Variants in PDK1 observed in about 807,000 individuals in gnomAD.
PDK1 encodes [Pyruvate dehydrogenase (acetyl-transferring)] kinase isozyme 1, mitochondrial.
PDK1 carries 39 observed loss-of-function variants against 54.2 expected under a neutral mutation model. The ratio of observed to expected loss-of-function variants is 0.72; its 90% CI spans 0.56 to 0.94. PDK1 has a LOEUF of 0.94. PDK1 is among the 40% of genes least tolerant of loss of function. The probability of loss-of-function intolerance (pLI) is 0.00; values close to 1 mark genes in which losing one functional copy is unlikely to be tolerated. For synonymous variants in PDK1, 221 were observed against 207.1 expected (o/e 1.07, Z -0.58); for missense variants, 552 against 566.0 (o/e 0.98, Z 0.25).
the PDK1 span, among the ~76,000 whole-genome samples, chr2:172,704,394 T>C: frequency 6.6e-6 from 1 of 152,100 alleles, no homozygotes; most frequent in African/African-American, 2.4e-5. Flanking sequence ...AATGACTGAG[T>C]TGGGGTGAAA....
chr2:172,696,213 T>C, the PDK1 span, among the ~76,000 whole-genome samples: 1 of 150,018 alleles, frequency 6.7e-6, no homozygotes, highest in Admixed American at 6.6e-5. Flanking sequence ...TAGGAGAGCA[T>C]TCTTCCCCAG....
the PDK1 span, among the ~76,000 whole-genome samples, chr2:172,683,360 AAC>A: frequency 2.0e-5 from 3 of 148,696 alleles, no homozygotes; most frequent in Non-Finnish European, 1.5e-5. Context: ...AAAAAAAAAA[AAC>A]AACTTATAAA....
chr2:172,688,158 G>T, the PDK1 span, among the ~76,000 whole-genome samples: 124 of 152,298 alleles, frequency 8.1e-4, no homozygotes, highest in African/African-American at 2.8e-3. Context: ...TGTAGGACAG[G>T]ATAGCACCTA....
the PDK1 span, among the ~76,000 whole-genome samples, chr2:172,719,303 G>C: frequency 4.6e-5 from 7 of 152,088 alleles, no homozygotes; most frequent in Non-Finnish European, 1.0e-4. Context: ...GTTGAAAATA[G>C]GTTTTTATTT....
At chr2:172,663,186 A>C in the PDK1 span, among the ~76,000 whole-genome samples, 1 of 152,230 alleles carries the variant, frequency 6.6e-6, no homozygotes, top group South Asian at 2.1e-4. Context: ...CTGGACTTGT[A>C]GATGACCAGT....
the PDK1 span, among the ~76,000 whole-genome samples, chr2:172,619,615 A>G: frequency 1.5e-4 from 23 of 152,188 alleles, no homozygotes; most frequent in Non-Finnish European, 2.5e-4. Context: ...GGCAAAGAGT[A>G]AAAAATTCAG....
intron 9 of PDK1, 85 bp downstream of exon 9, chr2:172,586,473 A>T (rs962286229): frequency 6.6e-6 from 5 of 759,034 alleles, no homozygotes; most frequent in Middle Eastern, 2.3e-4. Flanking sequence ...TTAAGCCGTC[A>T]TGTAGGGTAC....
At chr2:172,703,774 T>C in the PDK1 span, among the ~76,000 whole-genome samples, 10 of 136,458 alleles carry the variant, frequency 7.3e-5, no homozygotes, top group African/African-American at 2.5e-4. Context: ...TTCTTTTTTT[T>C]TTTTTTTTTT....
intron 8 of PDK1, among the ~76,000 whole-genome samples, chr2:172,577,347 CT>C (rs1366286097): frequency 2.0e-5 from 3 of 152,000 alleles, no homozygotes; most frequent in African/African-American, 7.2e-5. Flanking sequence ...TAAAATGTGT[CT>C]CTTTATAGCA....
the PDK1 span, among the ~76,000 whole-genome samples, chr2:172,701,408 CT>C: frequency 3.9e-5 from 6 of 152,260 alleles, no homozygotes; most frequent in African/African-American, 1.4e-4. Flanking sequence ...CCTGAGTCGC[CT>C]GAGTATTTGG....
intron 6 of PDK1, among the ~76,000 whole-genome samples, chr2:172,567,826 T>C (rs1158362534): frequency 6.6e-6 from 1 of 152,234 alleles, no homozygotes; most frequent in African/African-American, 2.4e-5. Context: ...TTCTAAGATA[T>C]CATGAGTCTT....
chr2:172,718,254 T>C, the PDK1 span, among the ~76,000 whole-genome samples: 2 of 152,332 alleles, frequency 1.3e-5, no homozygotes, highest in East Asian at 1.9e-4. Flanking sequence ...TCCACACTCA[T>C]GGAAGGAAAT....
chr2:172,642,677 C>T, the PDK1 span, among the ~76,000 whole-genome samples: 1 of 152,174 alleles, frequency 6.6e-6, no homozygotes, highest in Non-Finnish European at 1.5e-5. Flanking sequence ...GACAGGGTGG[C>T]CGGTCCCATC....
At chr2:172,641,542 C>A in the PDK1 span, among the ~76,000 whole-genome samples, 9 of 150,936 alleles carry the variant, frequency 6.0e-5, no homozygotes, top group African/African-American at 2.2e-4. Context: ...CCCGGGTTCA[C>A]ACTGTTATCC....
chr2:172,556,198 C>A lies in PDK1; in HGVS notation c.48C>A (p.Gly16=). Residue 16 remains glycine (G), a synonymous_variant, in exon 1 of 11, where the codon GGC becomes GGA. Transcript: ENST00000282077. ...GCGGAGCCGCCTTGGCCGGCCCGGGCCCGGGGCTGCGCGCCGCCGGCTTCA... is the reference window on the plus strand; with the variant it reads ...GCGGAGCCGCCTTGGCCGGCCCGGGACCGGGGCTGCGCGCCGCCGGCTTCA... ...LLRGAALAGP[G]PGLRAAGFSR... is the part of the protein sequence containing the mutation. 7.1e-7 allele frequency: 1 copy of A among 1,416,650 alleles called. No individual in the cohort carries two copies. The allele number at this position is 1,416,650 out of a possible 1,614,324, so 87.8% of individuals were successfully genotyped here. A position where few individuals can be genotyped will look rare whatever the true frequency, so the allele number is the denominator to read the frequency against.
chr2:172,594,388 G>A (rs1396707000), intron 10 of PDK1, among the ~76,000 whole-genome samples: 1 of 152,092 alleles, frequency 6.6e-6, no homozygotes, highest in Non-Finnish European at 1.5e-5. Context: ...CCAATCTTAT[G>A]GCTTCCCTGG....
the PDK1 span, among the ~76,000 whole-genome samples, chr2:172,675,746 T>C: frequency 6.6e-6 from 1 of 152,210 alleles, no homozygotes; most frequent in Non-Finnish European, 1.5e-5. Flanking sequence ...GTTAAGATCA[T>C]TGATGAAGGT....
In PDK1 at chr2:172,559,242, C is replaced by G. The variant is rs146437635; in HGVS notation, c.338+393C>G. Among the ~76,000 whole-genome samples, 1,034 of 152,162 alleles carry G rather than the reference C, an allele frequency of 6.8e-3. 7 individuals carry two copies. Among genetic ancestry groups the G allele is most frequent in the Non-Finnish European group, 0.012 (783 of 67,994 alleles). ...GATTACAGACGTGAGCCACCGTGCCCGACCAGAGTCTTAAGGTAGTAGCAG... is the reference window on the plus strand; with the variant it reads ...GATTACAGACGTGAGCCACCGTGCCGGACCAGAGTCTTAAGGTAGTAGCAG... On this transcript the variant is annotated intron_variant, in intron 2 of 10. Transcript: ENST00000282077.
chr2:172,610,527 G>GGGTTACCTCACAATTACCTTTT (rs1449253634), downstream of PDK1, among the ~76,000 whole-genome samples: 1 of 152,016 alleles, frequency 6.6e-6, no homozygotes, highest in Admixed American at 6.5e-5. Flanking sequence ...ATTAATCTTT[G>GGGTTACCTCACAATTACCTTTT]GGTTACCTCA....
Sources: allele counts gnomAD v4.1 joint callset (sites outside exome capture counted in the v4.1 genomes callset), GRCh38; gene constraint gnomAD v4.1.1; transcripts MANE v1.5; gene names NCBI Gene and HGNC (gene_info 2026-07-23, HGNC 2026-07-21).